The following IGF1R variants were observed in gnomAD, a reference collection of about 807,000 sequenced individuals.
The protein encoded by IGF1R is insulin-like growth factor 1 receptor.
A neutral mutation model predicts 144.6 loss-of-function variants in IGF1R; 44 were observed. The ratio of observed to expected loss-of-function variants is 0.30; its 90% CI spans 0.24 to 0.39. The LOEUF is 0.39. Among genes scored for constraint, IGF1R ranks in the 10% least tolerant of loss-of-function variants. IGF1R has a pLI of 1.00. For synonymous variants in IGF1R, 795 were observed against 722.8 expected, an observed-to-expected ratio of 1.10 and a Z score of -1.60; for missense variants, 1,355 against 1,833.7, an observed-to-expected ratio of 0.74 and a Z score of 4.77.
At position 98,708,111 on chromosome 15, in the gene IGF1R, A is replaced by T; in HGVS notation, c.640+4A>T. On this transcript the variant is annotated splice_donor_region_variant and intron_variant, in intron 2 of 20. Transcript: ENST00000650285. ...ACCACAAACCGCTGCCAGAAAAGTAAGAATGATGCTGACTGCTGCTTTCTC... is the reference window on the plus strand; with the variant it reads ...ACCACAAACCGCTGCCAGAAAAGTATGAATGATGCTGACTGCTGCTTTCTC... 1 of 1,611,382 alleles carries T rather than the reference A, an allele frequency of 6.2e-7. No individual in the cohort carries two copies. The highest frequency in any genetic ancestry group is 8.5e-7 in the Non-Finnish European group (1 of 1,178,574).
chr15:98,852,743 A>G (rs1317275125), intron 2 of IGF1R, among the ~76,000 whole-genome samples: 2 of 152,076 alleles, frequency 1.3e-5, no homozygotes, highest in African/African-American at 4.8e-5. Flanking sequence ...GCAGTTGTAA[A>G]CACGTTTCCC....
chr15:98,846,108 C>A (rs2011317581), intron 2 of IGF1R, among the ~76,000 whole-genome samples: 1 of 152,190 alleles, frequency 6.6e-6, no homozygotes, highest in Non-Finnish European at 1.5e-5. Context: ...AGACACTTTT[C>A]TTTGACTGTA....
At chr15:98,832,065 G>A (rs2057011528) in intron 2 of IGF1R, among the ~76,000 whole-genome samples, 1 of 152,172 alleles carries the variant, frequency 6.6e-6, no homozygotes, top group African/African-American at 2.4e-5. Context: ...ACTGGAAATA[G>A]CCTTCATTCC....
intron 2 of IGF1R, among the ~76,000 whole-genome samples, chr15:98,720,764 AATT>A (rs1378382053): frequency 1.3e-5 from 2 of 152,206 alleles, no homozygotes; most frequent in African/African-American, 2.4e-5. Flanking sequence ...TACCAAAGTG[AATT>A]ATTCATAAGT....
At chr15:98,953,732 G>T (rs2016869027) in intron 20 of IGF1R, among the ~76,000 whole-genome samples, 2 of 152,208 alleles carry the variant, frequency 1.3e-5, no homozygotes, top group South Asian at 4.1e-4. Context: ...CTGAACTTTA[G>T]CCTGGAGCAT....
At chr15:98,759,495 C>T (rs2055240679) in intron 2 of IGF1R, among the ~76,000 whole-genome samples, 1 of 152,212 alleles carries the variant, frequency 6.6e-6, no homozygotes, top group African/African-American at 2.4e-5. Context: ...AACGGCCCCC[C>T]AGGGGGTCTG....
intron 20 of IGF1R, among the ~76,000 whole-genome samples, chr15:98,956,059 T>A (rs2016968195): frequency 6.6e-6 from 1 of 152,248 alleles, no homozygotes; most frequent in African/African-American, 2.4e-5. Context: ...CCCAAAAGTC[T>A]GTTTAGCTGG....
intron 3 of IGF1R, among the ~76,000 whole-genome samples, chr15:98,894,068 AT>A (rs890259675): frequency 9.4e-5 from 14 of 149,140 alleles, no homozygotes; most frequent in African/African-American, 3.2e-4. Flanking sequence ...GATTGGTTCC[AT>A]TTTTTTTTTC....
chr15:98,827,169 A>T (rs2056909801), intron 2 of IGF1R, among the ~76,000 whole-genome samples: 1 of 152,188 alleles, frequency 6.6e-6, no homozygotes, highest in African/African-American at 2.4e-5. Context: ...AATAACAAAT[A>T]AACATGACAA....
At chr15:98,741,959 G>A (rs1376927870) in intron 2 of IGF1R, among the ~76,000 whole-genome samples, 1 of 152,206 alleles carries the variant, frequency 6.6e-6, no homozygotes, top group Non-Finnish European at 1.5e-5. Context: ...CCTGCAGTAT[G>A]CTTGAAAGGA....
At chr15:98,776,588 C>T (rs537177083) in intron 2 of IGF1R, among the ~76,000 whole-genome samples, 2 of 152,308 alleles carry the variant, frequency 1.3e-5, no homozygotes, top group Non-Finnish European at 2.9e-5. Flanking sequence ...TTCCCTCCTT[C>T]CCCCTACCTC....
At chr15:98,675,198 A>G (rs1170504461) in intron 1 of IGF1R, among the ~76,000 whole-genome samples, 1 of 152,138 alleles carries the variant, frequency 6.6e-6, no homozygotes, top group Non-Finnish European at 1.5e-5. Context: ...CATGTTGGCC[A>G]GGCTGGTCTC....
intron 2 of IGF1R, among the ~76,000 whole-genome samples, chr15:98,838,862 A>G (rs2141524685): frequency 6.6e-6 from 1 of 152,338 alleles, no homozygotes; most frequent in African/African-American, 2.4e-5. Flanking sequence ...CAGACCCGGG[A>G]AAAATTCAAG....
chr15:98,772,111 T>A (rs1292327765), intron 2 of IGF1R, among the ~76,000 whole-genome samples: 4 of 152,182 alleles, frequency 2.6e-5, no homozygotes, highest in Non-Finnish European at 4.4e-5. Flanking sequence ...CAGAGAATTC[T>A]AATTGAAGTA....
At chr15:98,800,368 T>C (rs2056335211) in intron 2 of IGF1R, among the ~76,000 whole-genome samples, 1 of 152,180 alleles carries the variant, frequency 6.6e-6, no homozygotes, top group Non-Finnish European at 1.5e-5. Flanking sequence ...AGTCTGTAGA[T>C]GGTAATATCC....
intron 2 of IGF1R, among the ~76,000 whole-genome samples, chr15:98,826,405 T>C (rs1427316479): frequency 6.6e-6 from 1 of 152,242 alleles, no homozygotes; most frequent in Non-Finnish European, 1.5e-5. Flanking sequence ...AGTGATTTAC[T>C]GTCCTATAAT....
At position 98,892,803 on chromosome 15, in the gene IGF1R, G is replaced by C. The variant is rs558154703; in HGVS notation, c.953+1166G>C. 5.3e-5 allele frequency among the ~76,000 whole-genome samples: 8 copies of C among 152,204 alleles called. No individual in the cohort carries two copies. The East Asian group carries it at 1.5e-3, about 29-fold the overall frequency. On this transcript the variant is annotated intron_variant, in intron 3 of 20. Transcript: ENST00000650285. ...GGCCAAGGTGGGCAGATCCCTTGAG[G>C]CCATGGGTTCAAGACCAGCCTGGGC...
rs1475128775 is a variant in IGF1R, at chr15:98,731,666, A to G, written c.640+23559A>G. Among the ~76,000 whole-genome samples, 3 of 152,036 alleles carry G rather than the reference A, an allele frequency of 2.0e-5. No individual in the cohort carries two copies. In the South Asian group the frequency reaches 6.2e-4, roughly 32 times the overall value. ...GTGTGGACACGTGAGAGGACAGTGCACCCTTTGGGCTTGGTGCTGCCCCCT... is the reference window on the plus strand; with the variant it reads ...GTGTGGACACGTGAGAGGACAGTGCGCCCTTTGGGCTTGGTGCTGCCCCCT... On this transcript the variant is annotated intron_variant, in intron 2 of 20. Coordinates refer to ENST00000650285, the MANE Select transcript of IGF1R (RefSeq NM_000875.5).
intron 3 of IGF1R, among the ~76,000 whole-genome samples, chr15:98,895,981 A>G (rs2014175260): frequency 6.6e-6 from 1 of 151,702 alleles, no homozygotes; most frequent in Admixed American, 6.6e-5. Context: ...TTTGTCTGCT[A>G]TTTCCTAAAT....
Sources: gnomAD v4.1 joint callset for allele counts (sites outside exome capture counted in the v4.1 genomes callset) on GRCh38, gnomAD v4.1.1 for gene constraint, MANE v1.5 for transcripts, NCBI Gene and HGNC (gene_info 2026-07-23, HGNC 2026-07-21) for gene names.